The following ZNF414 variants were observed in gnomAD, a reference collection of about 807,000 sequenced individuals.
The protein encoded by ZNF414 is zinc finger protein 414.
Under a neutral mutation model 38.3 loss-of-function variants are expected in ZNF414, and 32 were observed. The ratio of observed to expected loss-of-function variants is 0.83; its 90% CI spans 0.63 to 1.12. The LOEUF is 1.12. Ranked by LOEUF, ZNF414 falls within the 50% of genes most tolerant of loss-of-function variation. ZNF414 has a pLI of 0.00. For synonymous variants in ZNF414, 256 were observed against 248.0 expected (o/e 1.03, Z -0.30); for missense variants, 589 against 557.4 (o/e 1.06, Z -0.57).
chr19:8,511,751 G>T lies in ZNF414; in HGVS notation c.740C>A (p.Pro247His). 6.9e-7 allele frequency: 1 copy of T among 1,452,282 alleles called. No individual in the cohort carries two copies. The highest frequency in any genetic ancestry group is 2.6e-5 in the East Asian group (1 of 38,634). The allele number at this position is 1,452,282 out of a possible 1,614,324, so 90.0% of individuals were successfully genotyped here. ...PLLEPFTTPAPAPTGPFLPYL... is the reference protein window; with the variant it reads ...PLLEPFTTPAHAPTGPFLPYL... ...GGGCAGGAACGGTCCGGTGGGGGCA[G>T]GGGCGGGGGTCGTGAAGGGTTCCAG... The change falls in exon 5 of 8, where the codon CCT becomes CAT. Residue 247 changes from proline to histidine, a missense_variant. Transcript: ENST00000393927.
Position 8,510,282 on chromosome 19 carries a change from T to G in ZNF414, c.*409A>C, listed in dbSNP as rs1599889650. Reference sequence around the variant, plus strand: ...TCCGGCCTGGGAGACAGAGCAAGACTGTCTCAAAAAAGAAAAAAAAAAAAA... The same window carrying G: ...TCCGGCCTGGGAGACAGAGCAAGACGGTCTCAAAAAAGAAAAAAAAAAAAA... On this transcript the variant is annotated 3_prime_UTR_variant, in exon 8 of 8. Transcript: ENST00000393927. 8.2e-6 allele frequency: 1 copy of G among 122,056 alleles called. No homozygotes were observed. Among genetic ancestry groups the G allele is most frequent in the Admixed American group, 9.3e-5 (1 of 10,810 alleles). The allele number at this position is 122,056 out of a possible 1,614,324, so 7.6% of individuals were successfully genotyped here. A position where few individuals can be genotyped will look rare whatever the true frequency, so the allele number is the denominator to read the frequency against.
rs762315083 is a variant in ZNF414 at position 8,512,473 on chromosome 19, T to A, written c.444A>T (p.Ser148=). Residue 148 remains serine, a synonymous_variant, in exon 4 of 8, where the codon TCA becomes TCT. Transcript: ENST00000393927. ...GGAAGGTCTCGGTGCAGCTCAGGGC[T>A]GAGCAGCGGAAGAGCTTGCCTGGTA... ...QSLEGKLFRC[S]ALSCTETFPS... is the part of the protein sequence containing the mutation. 12 of 1,613,364 alleles carry A rather than the reference T, an allele frequency of 7.4e-6. No individual in the cohort carries two copies. Among genetic ancestry groups the A allele is most frequent in the Non-Finnish European group, 1.0e-5 (12 of 1,179,808 alleles).
rs1971945019 is a variant in ZNF414, at chr19:8,513,269, C to T, written c.76G>A (p.Glu26Lys). 1.3e-6 allele frequency: 2 copies of T among 1,595,744 alleles called. No individual in the cohort carries two copies. Among genetic ancestry groups the T allele is most frequent in the African/African-American group, 1.3e-5 (1 of 74,850 alleles). ...AEPSSSETDK[E>K]VLSPAVPAAA... is the part of the protein sequence containing the mutation. ...GCTGGCACAGCCGGGGACAACACCT[C>T]CTTGTCGGTCTCACTGGAGCTGGGC... The change falls in exon 2 of 8, where the codon GAG becomes AAG. Residue 26 changes from glutamate to lysine, a missense_variant. Transcript: ENST00000393927.
At chr19:8,511,390 G>T in intron 6 of ZNF414, 96 bp downstream of exon 6, 1 of 1,518,898 alleles carries the variant, frequency 6.6e-7, no homozygotes, top group South Asian at 1.3e-5. Flanking sequence ...CCCCTGGGAA[G>T]GGGATGAGCA....
intron 4 of ZNF414, 175 bp downstream of exon 4, chr19:8,512,212 G>A: frequency 7.0e-7 from 1 of 1,434,544 alleles, no homozygotes; most frequent in Non-Finnish European, 9.2e-7. Flanking sequence ...GGCTGGGTGG[G>A]GCCACGCCCA....
intron 6 of ZNF414, 45 bp from the exon 7 acceptor site, chr19:8,511,069 A>G: frequency 1.6e-6 from 2 of 1,283,376 alleles, no homozygotes; most frequent in East Asian, 3.1e-5. Flanking sequence ...CCCCCAGCCC[A>G]GAAGACCCGT....
chr19:8,510,618 C>A lies in ZNF414; in HGVS notation c.*73G>T. On this transcript the variant is annotated 3_prime_UTR_variant, in exon 8 of 8. Transcript: ENST00000393927. ...CGCCTTCTTTATTGTCCACCCCAGC[C>A]CCCCTTCCCTGCAGCCCCCTCCAAA... 6.9e-7 allele frequency: 1 copy of A among 1,443,524 alleles called. No individual in the cohort carries two copies. The highest frequency in any genetic ancestry group is 9.4e-7 in the Non-Finnish European group (1 of 1,066,144). 89.4% of individuals were successfully genotyped at this position (1,443,524 alleles called of 1,614,324 possible).
Position 8,510,593 on chromosome 19 carries a change from C to T in ZNF414, c.*98G>A, listed in dbSNP as rs1276297338. ...GAACACAGCATAGGCTGGCTCATGG[C>T]GCCTTCTTTATTGTCCACCCCAGCC... is the stretch of plus-strand genomic sequence containing the variant. On this transcript the variant is annotated 3_prime_UTR_variant, in exon 8 of 8. Transcript: ENST00000393927. The T allele has an allele frequency of 1.3e-5, 18 of 1,349,406 alleles. No individual in the cohort carries two copies. The highest frequency in any genetic ancestry group is 2.8e-5 in the East Asian group (1 of 36,108). The allele number at this position is 1,349,406 out of a possible 1,614,324, so 83.6% of individuals were successfully genotyped here.
chr19:8,510,678 A>G lies in ZNF414; in HGVS notation c.*13T>C, dbSNP rs1482880743. ...TACCCACATCCCATGGCCCACCCCC[A>G]AAGCGGCGGGATTCAGAGCTGCGAG... On this transcript the variant is annotated 3_prime_UTR_variant, in exon 8 of 8. Transcript: ENST00000393927. 6.6e-7 allele frequency: 1 copy of G among 1,513,224 alleles called. No individual in the cohort carries two copies. The allele number at this position is 1,513,224 out of a possible 1,614,324, so 93.7% of individuals were successfully genotyped here. A position where few individuals can be genotyped will look rare whatever the true frequency, so the allele number is the denominator to read the frequency against.
In ZNF414 at chr19:8,510,615, A is replaced by T. The variant is rs931655148; in HGVS notation, c.*76T>A. 6 of 1,355,642 alleles carry T rather than the reference A, an allele frequency of 4.4e-6. No homozygotes were observed. The highest frequency in any genetic ancestry group is 6.0e-6 in the Non-Finnish European group (6 of 995,220). The allele number at this position is 1,355,642 out of a possible 1,614,324, so 84.0% of individuals were successfully genotyped here. On this transcript the variant is annotated 3_prime_UTR_variant, in exon 8 of 8. Transcript: ENST00000393927. ...TGGCGCCTTCTTTATTGTCCACCCC[A>T]GCCCCCCTTCCCTGCAGCCCCCTCC...
Position 8,511,688 on chromosome 19 carries a change from CGCG to C in ZNF414, c.800_802del (p.Pro267del). The stretch of plus-strand genomic sequence containing the variant: ...TGCAGCGGCCAGGAAGGGGCGCAGG[CGCG>C]GGGGGCTTAGGCCAAAGGGCGCAGG... On this transcript the variant is annotated inframe_deletion, in exon 5 of 8. Coordinates refer to ENST00000393927, the MANE Select transcript of ZNF414 (RefSeq NM_001146175.2). 6.7e-7 allele frequency: 1 copy of C among 1,491,420 alleles called. No individual in the cohort carries two copies. Among genetic ancestry groups the C allele is most frequent in the Non-Finnish European group, 8.9e-7 (1 of 1,126,124 alleles). The allele number at this position is 1,491,420 out of a possible 1,614,324, so 92.4% of individuals were successfully genotyped here.
chr19:8,512,556 C>A (rs748410878), intron 3 of ZNF414, 48 bp downstream of exon 3: 24 of 1,608,210 alleles, frequency 1.5e-5, no homozygotes, highest in Non-Finnish European at 1.7e-5. Flanking sequence ...AGGGGCTCCG[C>A]CTGTTTCCCA....
Position 8,510,762 on chromosome 19 carries a change from G to C in ZNF414, c.1102C>G (p.Pro368Ala). The C allele has an allele frequency of 6.5e-7, 1 of 1,548,832 alleles. No homozygotes were observed. Among genetic ancestry groups the C allele is most frequent in the Non-Finnish European group, 8.7e-7 (1 of 1,145,526 alleles). Residue 368 changes from proline to alanine, a missense_variant and splice_region_variant, in exon 8 of 8, where the codon CCG becomes GCG. Pro to Ala is a conservative substitution (Grantham distance 27). Coordinates refer to ENST00000393927, the MANE Select transcript of ZNF414 (RefSeq NM_001146175.2). ...GACACCTTGGGTGCAAGCGGGGCCG[G>C]ATCTGGGTGGGGCAGAGGAGGGGGG... ...GPPRPDAPAD[P>A]APLAPKVSPL...
chr19:8,513,030 T>C lies in ZNF414; in HGVS notation c.315A>G (p.Pro105=), dbSNP rs1285072659. The C allele has an allele frequency of 7.5e-6, 11 of 1,459,200 alleles. No homozygotes were observed. In the Admixed American group the frequency reaches 3.1e-4, roughly 41 times the overall value. 90.4% of individuals were successfully genotyped at this position (1,459,200 alleles called of 1,614,324 possible). A position where few individuals can be genotyped will look rare whatever the true frequency, so the allele number is the denominator to read the frequency against. The change falls in exon 2 of 8, where the codon CCA becomes CCG. Residue 105 remains proline (P), a splice_region_variant and synonymous_variant. Coordinates refer to ENST00000393927, the MANE Select transcript of ZNF414 (RefSeq NM_001146175.2). ...DLRPPRRRPP[P]GKQIPCSSPG... Reference sequence around the variant, plus strand: ...CCAGAAGACCCCATCACAGATCACCTGGAGGTGGGCGTCGTCTGGGAGGCC... The same window carrying C: ...CCAGAAGACCCCATCACAGATCACCCGGAGGTGGGCGTCGTCTGGGAGGCC...
rs1172177418 is a variant in ZNF414 at position 8,514,077 on chromosome 19, G to A, written c.-31C>T. The A allele has an allele frequency of 1.4e-6, 2 of 1,464,572 alleles. No homozygotes were observed. The highest frequency in any genetic ancestry group is 3.0e-5 in the East Asian group (1 of 33,556). The allele number at this position is 1,464,572 out of a possible 1,614,324, so 90.7% of individuals were successfully genotyped here. A position where few individuals can be genotyped will look rare whatever the true frequency, so the allele number is the denominator to read the frequency against. The stretch of plus-strand genomic sequence containing the variant: ...ACACGGCTCGGCCTCTTGTTTCTGC[G>A]GCTCCGGCGGCTGCAGCTTAGGCGG... On this transcript the variant is annotated 5_prime_UTR_variant, in exon 1 of 8. Coordinates refer to ENST00000393927, the MANE Select transcript of ZNF414 (RefSeq NM_001146175.2).
At position 8,512,444 on chromosome 19, in the gene ZNF414, C is replaced by T. The variant is rs1599891875; in HGVS notation, c.473G>A (p.Ser158Asn). ...GCTGTGAGCCACCAGCTCCTGCATG[C>T]TGGGGAAGGTCTCGGTGCAGCTCAG... ...SALSCTETFP[S>N]MQELVAHSKL... Residue 158 changes from serine (S) to asparagine (N), a missense_variant, in exon 4 of 8, where the codon AGC becomes AAC. By Grantham distance (46) the Ser-to-Asn change is conservative (BLOSUM62 1). Transcript: ENST00000393927. The T allele has an allele frequency of 6.2e-7, 1 of 1,614,140 alleles. No homozygotes were observed. The highest frequency in any genetic ancestry group is 8.5e-7 in the Non-Finnish European group (1 of 1,180,020).
At chr19:8,510,823 T>G (rs939450033) in intron 7 of ZNF414, 28 bp downstream of exon 7, 3 of 1,468,274 alleles carry the variant, frequency 2.0e-6, no homozygotes, top group Non-Finnish European at 2.7e-6. Context: ...CCCGCCCCCC[T>G]CTCCACCCGC....
In ZNF414 at chr19:8,511,612, C is replaced by T. The variant is rs1971915217; in HGVS notation, c.874+5G>A. ...CCTCCTGGAGGCCCCCGACCCCACACTCACCTTGGCTCTTTTTCCAGACGG... is the reference window on the plus strand; with the variant it reads ...CCTCCTGGAGGCCCCCGACCCCACATTCACCTTGGCTCTTTTTCCAGACGG... On this transcript the variant is annotated splice_donor_5th_base_variant and intron_variant, in intron 5 of 7. Transcript: ENST00000393927. The T allele has an allele frequency of 1.3e-6, 2 of 1,511,176 alleles. No homozygotes were observed. Among genetic ancestry groups the T allele is most frequent in the Non-Finnish European group, 1.8e-6 (2 of 1,132,420 alleles). The allele number at this position is 1,511,176 out of a possible 1,614,324, so 93.6% of individuals were successfully genotyped here. A position where few individuals can be genotyped will look rare whatever the true frequency, so the allele number is the denominator to read the frequency against.
In ZNF414 at chr19:8,512,393, T is replaced by C; in HGVS notation, c.524A>G (p.Tyr175Cys). 1 of 1,613,680 alleles carries C rather than the reference T, an allele frequency of 6.2e-7. No homozygotes were observed. Among genetic ancestry groups the C allele is most frequent in the Non-Finnish European group, 8.5e-7 (1 of 1,179,954 alleles). The change falls in exon 4 of 8, where the codon TAC (tyrosine) becomes TGC (cysteine). Residue 175 changes from tyrosine to cysteine, a missense_variant. Coordinates refer to ENST00000393927, the MANE Select transcript of ZNF414 (RefSeq NM_001146175.2). The part of the protein sequence containing the change: ...HSKLHYKPNR[Y>C]FKCENCLLRF... ...CAAGAGGTCAGGGTCTCACTTGAAG[T>C]AGCGATTGGGTTTGTAGTGCAGTTT...
Sources: gnomAD v4.1 joint callset for allele counts on GRCh38, gnomAD v4.1.1 for gene constraint, MANE v1.5 for transcripts, NCBI Gene and HGNC (gene_info 2026-07-23, HGNC 2026-07-21) for gene names.